The following ACSBG2 variants were observed in gnomAD, a reference collection of about 807,000 sequenced individuals.
ACSBG2 encodes long-chain-fatty-acid--CoA ligase ACSBG2.
A neutral mutation model predicts 74.7 loss-of-function variants in ACSBG2; 62 were observed. That is an observed-to-expected ratio of 0.83 (90% CI 0.68 to 1.03). The LOEUF is 1.03. ACSBG2 is among the 50% of genes least tolerant of loss of function. The probability of loss-of-function intolerance (pLI) is 0.00; values close to 1 mark genes in which losing one functional copy is unlikely to be tolerated. For missense variants in ACSBG2, 730 were observed against 817.6 expected (o/e 0.89, Z 1.31); for synonymous variants, 309 against 294.1 (o/e 1.05, Z -0.52).
At chr19:6,168,027 G>A (rs1451653321) in intron 7 of ACSBG2, among the ~76,000 whole-genome samples, 8 of 145,960 alleles carry the variant, frequency 5.5e-5, no homozygotes, top group Admixed American at 7.0e-5. Context: ...GTGCCTGTGA[G>A]CACCTGAGTC....
In ACSBG2 at chr19:6,185,651, A is replaced by C. The variant is rs753634812; in HGVS notation, c.1538A>C (p.Lys513Thr). ...TTCCTCTATGTCACCGGCCACATCA[A>C]AGGTACCAGGGGCTGAGCTCTTTGG... Reference protein sequence around the residue: ...LGFLYVTGHIKEILITAGGEN... With the variant: ...LGFLYVTGHITEILITAGGEN... The change falls in exon 11 of 15, where the codon AAA (lysine) becomes ACA (threonine). Residue 513 changes from lysine (K) to threonine (T), a missense_variant and splice_region_variant. Transcript: ENST00000588485. The C allele has an allele frequency of 6.2e-7, 1 of 1,614,142 alleles. No homozygotes were observed. Among genetic ancestry groups the C allele is most frequent in the Non-Finnish European group, 8.5e-7 (1 of 1,180,014 alleles).
intron 14 of ACSBG2, 112 bp downstream of exon 14, chr19:6,190,804 C>CACAT (rs760342288): frequency 2.3e-5 from 11 of 471,068 alleles, no homozygotes; most frequent in South Asian, 3.8e-5. Context: ...CACACATACA[C>CACAT]ACATACATAC....
At chr19:6,142,527 C>T (rs971284930) in intron 2 of ACSBG2, among the ~76,000 whole-genome samples, 7 of 151,788 alleles carry the variant, frequency 4.6e-5, no homozygotes, top group South Asian at 2.1e-4. Flanking sequence ...CCGAGACAGG[C>T]GGATCACGAG....
At chr19:6,189,006 T>C (rs1330816188) in intron 13 of ACSBG2, among the ~76,000 whole-genome samples, 1 of 152,094 alleles carries the variant, frequency 6.6e-6, no homozygotes, top group Admixed American at 6.6e-5. Context: ...ATTGGGTTTT[T>C]TGTGTGTGTG....
At chr19:6,151,458 C>A (rs921786405) in intron 3 of ACSBG2, among the ~76,000 whole-genome samples, 9 of 152,104 alleles carry the variant, frequency 5.9e-5, no homozygotes, top group African/African-American at 2.2e-4. Flanking sequence ...CAAGTGTGTA[C>A]CACCATGCCC....
chr19:6,150,841 GC>G (rs1311992382), intron 3 of ACSBG2, among the ~76,000 whole-genome samples: 1 of 152,036 alleles, frequency 6.6e-6, no homozygotes, highest in African/African-American at 2.4e-5. Context: ...AAAACGGGCT[GC>G]GTGTGGTGGA....
intron 4 of ACSBG2, among the ~76,000 whole-genome samples, chr19:6,153,150 G>A (rs1221639958): frequency 6.6e-6 from 1 of 152,052 alleles, no homozygotes; most frequent in Non-Finnish European, 1.5e-5. Flanking sequence ...GGAGGCTGAG[G>A]CAGGAGAATG....
chr19:6,179,280 ATTTCT>A (rs2090175481), intron 8 of ACSBG2, among the ~76,000 whole-genome samples: 1 of 129,946 alleles, frequency 7.7e-6, no homozygotes, highest in African/African-American at 2.8e-5. Context: ...GAACACTTTG[ATTTCT>A]TTTCTAAATT....
At chr19:6,143,657 C>A (rs2088927102) in intron 2 of ACSBG2, among the ~76,000 whole-genome samples, 1 of 152,108 alleles carries the variant, frequency 6.6e-6, no homozygotes, top group African/African-American at 2.4e-5. Flanking sequence ...ATCTCCACTC[C>A]CCCCTGCTTC....
intron 3 of ACSBG2, among the ~76,000 whole-genome samples, chr19:6,147,878 T>C (rs1482257582): frequency 6.6e-6 from 1 of 152,210 alleles, no homozygotes; most frequent in Non-Finnish European, 1.5e-5. Context: ...GTGTGTCCTT[T>C]TGGGAAATAA....
intron 6 of ACSBG2, among the ~76,000 whole-genome samples, chr19:6,165,034 T>C (rs1210179701): frequency 2.0e-5 from 3 of 152,222 alleles, no homozygotes. Flanking sequence ...AAGGATGCCT[T>C]TGGTCGTAAG....
Position 6,185,426 on chromosome 19 carries a change from C to A in ACSBG2, c.1323-10C>A. 10 of 1,613,864 alleles carry A rather than the reference C, an allele frequency of 6.2e-6. No individual in the cohort carries two copies. Among genetic ancestry groups the A allele is most frequent in the Non-Finnish European group, 8.5e-6 (10 of 1,179,930 alleles). ...TATGAGCCTGTTTCTCTGCTTCTGTCCCCTGGCAGCTGTGGCAAGATCTTG... is the reference window on the plus strand; with the variant it reads ...TATGAGCCTGTTTCTCTGCTTCTGTACCCTGGCAGCTGTGGCAAGATCTTG... On this transcript the variant is annotated splice_polypyrimidine_tract_variant and intron_variant, in intron 10 of 14. Coordinates refer to ENST00000588485, the MANE Select transcript of ACSBG2 (RefSeq NM_030924.5).
intron 9 of ACSBG2, 35 bp from the exon 10 acceptor site, chr19:6,183,004 A>G (rs752406063): frequency 3.1e-6 from 5 of 1,613,458 alleles, no homozygotes; most frequent in Non-Finnish European, 4.2e-6. Flanking sequence ...GGGTCCCATC[A>G]GCCCTTCTCC....
intron 4 of ACSBG2, among the ~76,000 whole-genome samples, chr19:6,153,078 C>T (rs2089291721): frequency 6.6e-6 from 1 of 151,980 alleles, no homozygotes; most frequent in Admixed American, 6.6e-5. Flanking sequence ...CCCATCTCTA[C>T]TAAAAATACC....
In ACSBG2 at chr19:6,161,207, T is replaced by C; in HGVS notation, c.508-8T>C. 1 of 1,612,908 alleles carries C rather than the reference T, an allele frequency of 6.2e-7. No individual in the cohort carries two copies. Among genetic ancestry groups the C allele is most frequent in the South Asian group, 1.1e-5 (1 of 91,040 alleles). On this transcript the variant is annotated splice_polypyrimidine_tract_variant and splice_region_variant and intron_variant, in intron 5 of 14. Transcript: ENST00000588485. ...TTGCCATGAAGCCCACAGGGAACTTTCTTTCAGATTCCACAGAGCAGCCTA... is the reference window on the plus strand; with the variant it reads ...TTGCCATGAAGCCCACAGGGAACTTCCTTTCAGATTCCACAGAGCAGCCTA...
At chr19:6,137,873 C>T (rs902323212) in intron 1 of ACSBG2, among the ~76,000 whole-genome samples, 1 of 151,948 alleles carries the variant, frequency 6.6e-6, no homozygotes, top group East Asian at 1.9e-4. Flanking sequence ...AGGCTGGTCT[C>T]GAACTCCTGA....
intron 4 of ACSBG2, among the ~76,000 whole-genome samples, chr19:6,156,160 A>G (rs2089413237): frequency 6.6e-6 from 1 of 152,110 alleles, no homozygotes; most frequent in South Asian, 2.1e-4. Context: ...GAGTGACTTC[A>G]CTGCTGGGCC....
intron 10 of ACSBG2, among the ~76,000 whole-genome samples, chr19:6,183,867 A>G (rs1011208020): frequency 5.3e-5 from 8 of 152,194 alleles, no homozygotes; most frequent in African/African-American, 1.9e-4. Context: ...TGGTACAATC[A>G]TAGATCACTG....
At chr19:6,188,968 G>A (rs573437464) in intron 13 of ACSBG2, among the ~76,000 whole-genome samples, 1 of 152,314 alleles carries the variant, frequency 6.6e-6, no homozygotes, top group African/African-American at 2.4e-5. Flanking sequence ...GTTATCTGTA[G>A]AGCAGTTAAG....
Sources: gnomAD v4.1 joint callset for allele counts (sites outside exome capture counted in the v4.1 genomes callset) on GRCh38, gnomAD v4.1.1 for gene constraint, MANE v1.5 for transcripts, NCBI Gene and HGNC (gene_info 2026-07-23, HGNC 2026-07-21) for gene names.